Variants in NTM observed in about 807,000 individuals in gnomAD.
NTM encodes the protein neurotrimin.
Under a neutral mutation model 42.1 loss-of-function variants are expected in NTM, and 13 were observed. The observed-to-expected ratio is 0.31, with a 90% CI of 0.20 to 0.49. The LOEUF (loss-of-function observed/expected upper bound fraction) is 0.49, where lower values mean the gene tolerates loss of function less well. Ranked by LOEUF, NTM falls within the 20% of genes least tolerant of loss-of-function variation. The pLI is 0.99. For missense variants in NTM, 373 were observed against 452.8 expected, an observed-to-expected ratio of 0.82 and a Z score of 1.60; for synonymous variants, 187 against 179.2, an observed-to-expected ratio of 1.04 and a Z score of -0.35.
At chr11:132,046,154 T>C (rs60427353) in intron 2 of NTM, among the ~76,000 whole-genome samples, 1,570 of 151,342 alleles carry the variant, frequency 0.01, 34 homozygotes, top group African/African-American at 0.036. Flanking sequence ...AGGATGGTAA[T>C]GAGGATTAAA....
intron 1 of NTM, among the ~76,000 whole-genome samples, chr11:131,624,729 G>A (rs577358660): frequency 3.3e-5 from 5 of 152,286 alleles, no homozygotes; most frequent in East Asian, 3.9e-4. Flanking sequence ...CGCTAATCAC[G>A]GAGGAATCCA....
At chr11:131,765,574 T>C (rs536261273) in intron 1 of NTM, among the ~76,000 whole-genome samples, 1 of 152,216 alleles carries the variant, frequency 6.6e-6, no homozygotes, top group Non-Finnish European at 1.5e-5. Flanking sequence ...TTAGTACATG[T>C]CCTACTTATC....
intron 1 of NTM, among the ~76,000 whole-genome samples, chr11:131,724,467 A>G (rs558705574): frequency 8.5e-5 from 13 of 152,282 alleles, no homozygotes; most frequent in Admixed American, 7.2e-4. Flanking sequence ...ACATTTCTTT[A>G]AAGAACACAA....
At chr11:131,660,803 T>C in intron 1 of NTM, 2 of 1,158,408 alleles carry the variant, frequency 1.7e-6, no homozygotes, top group Non-Finnish European at 2.2e-6. Context: ...TCATTAAATA[T>C]AGAAAGGTAG....
At chr11:131,939,355 G>A (rs533375126) in intron 2 of NTM, among the ~76,000 whole-genome samples, 1 of 152,180 alleles carries the variant, frequency 6.6e-6, no homozygotes, top group South Asian at 2.1e-4. Context: ...AAGTATCCAT[G>A]GGACTGGATA....
chr11:132,258,923 C>T (rs996545743), intron 4 of NTM, among the ~76,000 whole-genome samples: 1 of 152,220 alleles, frequency 6.6e-6, no homozygotes, highest in African/African-American at 2.4e-5. Flanking sequence ...TCCAATTCAG[C>T]AAACACCCAA....
intron 3 of NTM, among the ~76,000 whole-genome samples, chr11:132,199,135 T>G (rs1258748076): frequency 1.3e-5 from 2 of 152,162 alleles, no homozygotes; most frequent in African/African-American, 4.8e-5. Flanking sequence ...AAGCATGGGT[T>G]TTTAAATCAT....
At position 131,466,988 on chromosome 11, in the gene NTM, C is replaced by T. The variant is rs944338501; in HGVS notation, c.82+96100C>T. ...GTGTGCACACATGTGCATACACGTA[C>T]ACACACGCACATGCAAACACACCAT... On this transcript the variant is annotated intron_variant, in intron 1 of 8. Coordinates refer to ENST00000683400, the MANE Select transcript of NTM (RefSeq NM_001352005.2). 3.9e-5 allele frequency among the ~76,000 whole-genome samples: 6 copies of T among 152,218 alleles called. No homozygotes were observed. In the East Asian group the frequency reaches 1.2e-3, roughly 29 times the overall value.
At chr11:131,700,825 G>A (rs761889121) in intron 1 of NTM, among the ~76,000 whole-genome samples, 16 of 152,072 alleles carry the variant, frequency 1.1e-4, no homozygotes, top group African/African-American at 2.4e-4. Context: ...TTTTCCATAC[G>A]CAACCAATAA....
intron 2 of NTM, among the ~76,000 whole-genome samples, chr11:131,912,768 C>T (rs1783018557): frequency 6.6e-6 from 1 of 152,250 alleles, no homozygotes; most frequent in Non-Finnish European, 1.5e-5. Flanking sequence ...GAAAGATAAC[C>T]CTGGTGCTGG....
intron 2 of NTM, among the ~76,000 whole-genome samples, chr11:132,089,809 G>C (rs991042512): frequency 1.3e-5 from 2 of 151,986 alleles, no homozygotes; most frequent in African/African-American, 2.4e-5. Flanking sequence ...TCTGTTAAAG[G>C]CTTTTTTCAA....
chr11:132,251,100 C>T (rs2091892536), intron 4 of NTM, among the ~76,000 whole-genome samples: 1 of 152,206 alleles, frequency 6.6e-6, no homozygotes, highest in Admixed American at 6.5e-5. Context: ...GTAATTCAAA[C>T]CGTAACACAA....
At chr11:131,803,302 GT>G (rs5795742) in intron 1 of NTM, among the ~76,000 whole-genome samples, 12,172 of 147,200 alleles carry the variant, frequency 0.083, 1,626 homozygotes, top group African/African-American at 0.28. Context: ...TTGGGAGTGG[GT>G]TTTTTTTTTT....
chr11:132,197,514 T>A (rs1051593418), intron 3 of NTM, among the ~76,000 whole-genome samples: 2 of 152,122 alleles, frequency 1.3e-5, no homozygotes, highest in Non-Finnish European at 2.9e-5. Context: ...TTAATTTTTT[T>A]ATTATTTAAG....
chr11:132,181,316 C>T (rs2077544800), intron 3 of NTM, among the ~76,000 whole-genome samples: 1 of 152,154 alleles, frequency 6.6e-6, no homozygotes, highest in African/African-American at 2.4e-5. Flanking sequence ...CTAGGTGATG[C>T]TACTCCATCA....
At chr11:131,642,972 C>T (rs1481188053) in intron 1 of NTM, among the ~76,000 whole-genome samples, 1 of 151,230 alleles carries the variant, frequency 6.6e-6, no homozygotes, top group African/African-American at 2.4e-5. Context: ...CTCCGTTTCC[C>T]AGAATCGTTT....
Position 132,265,355 on chromosome 11 carries a change from A to G in NTM, c.527-42334A>G, listed in dbSNP as rs139446646. ...CGTAGGCTTTACTTCTTGTTCTGCC[A>G]TTTTCCAGCCATGAGATTTTGGGCA... On this transcript the variant is annotated intron_variant, in intron 4 of 8. Transcript: ENST00000683400. Among the ~76,000 whole-genome samples the G allele has an allele frequency of 4.5e-3, 682 of 152,294 alleles. 4 individuals are homozygous for G. The highest frequency in any genetic ancestry group is 0.015 in the African/African-American group (644 of 41,566).
chr11:131,469,744 G>T (rs777433177), intron 1 of NTM, among the ~76,000 whole-genome samples: 2 of 152,190 alleles, frequency 1.3e-5, no homozygotes, highest in Non-Finnish European at 2.9e-5. Context: ...GTAGAAAAAT[G>T]ATCATAGTAC....
chr11:132,316,459 C>T (rs1019689624), intron 7 of NTM, among the ~76,000 whole-genome samples: 2 of 152,138 alleles, frequency 1.3e-5, no homozygotes, highest in African/African-American at 2.4e-5. Context: ...AGCTCTCTGG[C>T]GTCCAGGGTT....
Sources: gnomAD v4.1 joint callset for allele counts (sites outside exome capture counted in the v4.1 genomes callset) on GRCh38, gnomAD v4.1.1 for gene constraint, MANE v1.5 for transcripts, NCBI Gene and HGNC (gene_info 2026-07-23, HGNC 2026-07-21) for gene names.